The following COL14A1 variants were observed in gnomAD, a reference collection of about 807,000 sequenced individuals.
COL14A1 encodes the protein collagen type XIV alpha 1 chain.
COL14A1 carries 136 observed loss-of-function variants against 230.3 expected under a neutral mutation model. The observed-to-expected ratio is 0.59, with a 90% CI of 0.51 to 0.68. COL14A1 has a LOEUF of 0.68. Ranked by LOEUF, COL14A1 falls within the 30% of genes least tolerant of loss-of-function variation. The pLI is 0.00. For synonymous variants in COL14A1, 792 were observed against 784.1 expected, an observed-to-expected ratio of 1.01 and a Z score of -0.17; for missense variants, 1,976 against 2,215.8, an observed-to-expected ratio of 0.89 and a Z score of 2.17.
chr8:120,204,718 T>A (rs533995499), intron 9 of COL14A1, among the ~76,000 whole-genome samples: 1 of 152,274 alleles, frequency 6.6e-6, no homozygotes, highest in South Asian at 2.1e-4. Context: ...ATATCCCGGT[T>A]GCATGTTTTG....
chr8:120,345,586 GA>G (rs771306848), intron 45 of COL14A1, 23 bp downstream of exon 45: 1 of 1,501,484 alleles, frequency 6.7e-7, no homozygotes, highest in African/African-American at 1.4e-5. Context: ...CCTTCTCTCA[GA>G]GGAACTCCTC....
intron 20 of COL14A1, among the ~76,000 whole-genome samples, chr8:120,244,779 C>A (rs1818712869): frequency 6.6e-6 from 1 of 152,216 alleles, no homozygotes; most frequent in Non-Finnish European, 1.5e-5. Context: ...CCTGTCAGGT[C>A]TTCCTGCTTC....
intron 5 of COL14A1, among the ~76,000 whole-genome samples, chr8:120,172,762 CCAGCAATTTGTAAGGA>C: frequency 6.6e-6 from 1 of 152,146 alleles, no homozygotes; most frequent in African/African-American, 2.4e-5. Context: ...TTTTTCTAGT[CCAGCAATTTGTAAGGA>C]TATAGCCCTG....
intron 18 of COL14A1, among the ~76,000 whole-genome samples, chr8:120,229,640 C>G (rs1462940661): frequency 1.3e-5 from 2 of 152,114 alleles, no homozygotes; most frequent in East Asian, 3.9e-4. Flanking sequence ...AATGGGATGG[C>G]TGGGTCAAAT....
intron 24 of COL14A1, among the ~76,000 whole-genome samples, chr8:120,265,635 A>G (rs1819479882): frequency 6.8e-6 from 1 of 148,142 alleles, no homozygotes; most frequent in African/African-American, 2.5e-5. Context: ...TAAAAAAGGT[A>G]TATATATGTG....
chr8:120,270,871 A>G (rs1819645713), intron 26 of COL14A1, among the ~76,000 whole-genome samples: 1 of 151,776 alleles, frequency 6.6e-6, no homozygotes, highest in Non-Finnish European at 1.5e-5. Flanking sequence ...CCACTGTTGG[A>G]TATATACCCA....
intron 45 of COL14A1, 118 bp downstream of exon 45, chr8:120,345,681 C>T (rs1586884546): frequency 4.6e-6 from 4 of 874,810 alleles, no homozygotes; most frequent in East Asian, 6.7e-5. Flanking sequence ...ATTAATTCTG[C>T]CCCATCTATT....
intron 5 of COL14A1, among the ~76,000 whole-genome samples, chr8:120,172,323 G>T (rs1816120717): frequency 6.6e-6 from 1 of 151,936 alleles, no homozygotes; most frequent in Non-Finnish European, 1.5e-5. Flanking sequence ...GCTAATTTTT[G>T]TATTTTTAGT....
chr8:120,169,208 A>G (rs879893739), intron 5 of COL14A1, among the ~76,000 whole-genome samples: 2 of 152,154 alleles, frequency 1.3e-5, no homozygotes, highest in Non-Finnish European at 2.9e-5. Flanking sequence ...CACTATCACA[A>G]ACATGCTGTA....
At chr8:120,341,080 A>T (rs1206870966) in intron 42 of COL14A1, among the ~76,000 whole-genome samples, 1 of 152,214 alleles carries the variant, frequency 6.6e-6, no homozygotes, top group Non-Finnish European at 1.5e-5. Flanking sequence ...CACGATTCCA[A>T]TTTTGTGGCC....
intron 45 of COL14A1, among the ~76,000 whole-genome samples, chr8:120,361,479 A>G (rs1029391955): frequency 1.3e-5 from 2 of 152,188 alleles, no homozygotes; most frequent in African/African-American, 2.4e-5. Context: ...TACTTATTGA[A>G]TTAACTCCAA....
intron 19 of COL14A1, among the ~76,000 whole-genome samples, chr8:120,240,641 AG>A (rs1336153935): frequency 6.6e-6 from 1 of 152,202 alleles, no homozygotes; most frequent in African/African-American, 2.4e-5. Context: ...ATTTACACAA[AG>A]AAATGATAAG....
rs34177030 is a variant in COL14A1 at position 120,200,715 on chromosome 8, T to TTATATA, written c.877+1195_877+1200dup. ...GAAAGATCCTAAAAAGTTTTCCTAT[T>TTATATA]TATATATATATATATATATATATAT... On this transcript the variant is annotated intron_variant, in intron 8 of 47. Transcript: ENST00000297848. Among the ~76,000 whole-genome samples, 543 of 85,338 alleles carry TTATATA rather than the reference T, an allele frequency of 6.4e-3. 6 individuals carry two copies. Among genetic ancestry groups the TTATATA allele is most frequent in the Non-Finnish European group, 9.6e-3 (394 of 40,956 alleles). The allele number at this position is 85,338 out of a possible 152,430, so 56.0% of individuals were successfully genotyped here.
chr8:120,217,967 TTTAA>T (rs1817806733), intron 14 of COL14A1, among the ~76,000 whole-genome samples: 1 of 135,978 alleles, frequency 7.4e-6, no homozygotes, highest in Non-Finnish European at 1.6e-5. Context: ...ATATATATAA[TTTAA>T]ATATATAATA....
chr8:120,355,667 C>T (rs574559356), intron 45 of COL14A1, among the ~76,000 whole-genome samples: 37 of 152,146 alleles, frequency 2.4e-4, no homozygotes, highest in Middle Eastern at 3.4e-3. Context: ...CCCCCCACCC[C>T]GCCTCGGCCT....
In COL14A1 at chr8:120,208,250, G is replaced by GT. The variant is rs1817506108; in HGVS notation, c.1211dup (p.Ser405IlefsTer13). 1 of 1,612,124 alleles carries GT rather than the reference G, an allele frequency of 6.2e-7. No individual in the cohort carries two copies. Among genetic ancestry groups the GT allele is most frequent in the African/African-American group, 1.3e-5 (1 of 75,016 alleles). On this transcript the variant is annotated frameshift_variant, in exon 11 of 48. Coordinates refer to ENST00000297848, the MANE Select transcript of COL14A1 (RefSeq NM_021110.4). LOFTEE classifies it high-confidence loss of function. Reference sequence around the variant, plus strand: ...TAAACAGGTGGTGGTAGATGGAACTGTATCTTCCACAGTGTTGAAAAACTT... The same window carrying GT: ...TAAACAGGTGGTGGTAGATGGAACTGTTATCTTCCACAGTGTTGAAAAACTT...
intron 19 of COL14A1, among the ~76,000 whole-genome samples, chr8:120,232,654 A>T (rs1302771215): frequency 6.6e-6 from 1 of 152,066 alleles, no homozygotes; most frequent in Non-Finnish European, 1.5e-5. Flanking sequence ...CATTTTCTTT[A>T]TCCAGTCTAT....
intron 13 of COL14A1, among the ~76,000 whole-genome samples, chr8:120,215,293 T>C (rs1817717137): frequency 6.6e-6 from 1 of 151,874 alleles, no homozygotes; most frequent in African/African-American, 2.4e-5. Flanking sequence ...ATCACTTAAA[T>C]CTGGGAGGTG....
At chr8:120,220,430 C>T (rs888839508) in intron 14 of COL14A1, among the ~76,000 whole-genome samples, 6 of 151,852 alleles carry the variant, frequency 4.0e-5, no homozygotes, top group African/African-American at 7.3e-5. Flanking sequence ...CGCACCACCA[C>T]GCCCAGCTAA....
Sources: allele counts gnomAD v4.1 joint callset (sites outside exome capture counted in the v4.1 genomes callset), GRCh38; gene constraint gnomAD v4.1.1; transcripts MANE v1.5; gene names NCBI Gene and HGNC (gene_info 2026-07-23, HGNC 2026-07-21).